Variants in SOS2 observed in about 807,000 individuals in gnomAD.
SOS2 encodes the protein son of sevenless homolog 2.
A neutral mutation model predicts 148.2 loss-of-function variants in SOS2; 65 were observed. The observed-to-expected ratio is 0.44, with a 90% confidence interval of 0.36 to 0.54. SOS2 has a LOEUF of 0.54. Ranked by LOEUF, SOS2 falls within the 20% of genes least tolerant of loss-of-function variation. The probability of loss-of-function intolerance (pLI) is 0.00; values close to 1 mark genes in which losing one functional copy is unlikely to be tolerated. For synonymous variants in SOS2, 539 were observed against 537.1 expected (o/e 1.00, Z -0.05); for missense variants, 1,341 against 1,590.2 (o/e 0.84, Z 2.67).
intron 4 of SOS2, 92 bp downstream of exon 4, chr14:50,199,599 G>C: frequency 1.4e-6 from 1 of 699,566 alleles, no homozygotes. Flanking sequence ...CAATTATAAA[G>C]ATTACTTATC....
At chr14:50,182,654 C>T in intron 5 of SOS2, 48 bp from the exon 6 acceptor site, 6 of 1,496,412 alleles carry the variant, frequency 4.0e-6, no homozygotes, top group Non-Finnish European at 5.5e-6. Context: ...GAGAATTCTG[C>T]TAAAAAATTA....
At chr14:50,196,787 G>A (rs1886324100) in intron 4 of SOS2, among the ~76,000 whole-genome samples, 1 of 152,012 alleles carries the variant, frequency 6.6e-6, no homozygotes, top group Admixed American at 6.6e-5. Context: ...AATAGGAAGG[G>A]GAAAAGAAAA....
chr14:50,120,486 A>G (rs1883466484), intron 21 of SOS2, 102 bp from the exon 22 acceptor site: 1 of 662,974 alleles, frequency 1.5e-6, no homozygotes, highest in Non-Finnish European at 2.7e-6. Flanking sequence ...GTCAGACTGT[A>G]TCAACTATTG....
At chr14:50,224,306 TATATATATACACACACACACACACAC>T (rs1887292481) in intron 1 of SOS2, among the ~76,000 whole-genome samples, 1 of 47,800 alleles carries the variant, frequency 2.1e-5, no homozygotes, top group African/African-American at 9.0e-5. Context: ...AAAAAAAAAA[TATATATATACACACACACACACACAC>T]ACACACACAC....
chr14:50,189,348 A>AAAAAAAAAAAAAC (rs60224462), intron 4 of SOS2, among the ~76,000 whole-genome samples: 1 of 146,482 alleles, frequency 6.8e-6, no homozygotes, highest in Non-Finnish European at 1.5e-5. Context: ...AAAAAAAAAA[A>AAAAAAAAAAAAAC]GCAAGCCTGT....
chr14:50,165,009 G>A (rs922395596), intron 8 of SOS2, among the ~76,000 whole-genome samples: 3 of 151,114 alleles, frequency 2.0e-5, no homozygotes, highest in South Asian at 2.1e-4. Context: ...GTTCCTTCCA[G>A]AGGAAGGGGG....
intron 10 of SOS2, among the ~76,000 whole-genome samples, chr14:50,159,030 G>GA (rs201452360): frequency 7.4e-5 from 11 of 149,024 alleles, no homozygotes; most frequent in South Asian, 2.1e-4. Context: ...TAAAAATAAA[G>GA]AAAAAAAAAA....
intron 18 of SOS2, among the ~76,000 whole-genome samples, chr14:50,138,076 A>T (rs997783614): frequency 6.6e-6 from 1 of 151,918 alleles, no homozygotes; most frequent in Admixed American, 6.6e-5. Flanking sequence ...CTTGACCTCA[A>T]GTGGTCCTCC....
At chr14:50,220,530 T>A (rs1259910540) in intron 1 of SOS2, among the ~76,000 whole-genome samples, 1 of 151,164 alleles carries the variant, frequency 6.6e-6, no homozygotes, top group Admixed American at 6.6e-5. Flanking sequence ...CTGGAAAAAA[T>A]TTTAAACTCC....
chr14:50,231,676 A>AGCAGCGGCGGCG, upstream of SOS2: 1 of 162,952 alleles, frequency 6.1e-6, no homozygotes, highest in South Asian at 1.6e-4. Context: ...GCGGGCGGTG[A>AGCAGCGGCGGCG]GCAGCGGCGG....
At chr14:50,140,749 AT>A (rs1884244871) in intron 16 of SOS2, among the ~76,000 whole-genome samples, 1 of 152,166 alleles carries the variant, frequency 6.6e-6, no homozygotes, top group Non-Finnish European at 1.5e-5. Context: ...AGAAAAAAAA[AT>A]GTCACTATTC....
rs1886595806 is a variant in SOS2, at chr14:50,204,362, G to A, written c.135C>T (p.Leu45=). 1 of 1,589,264 alleles carries A rather than the reference G, an allele frequency of 6.3e-7. No homozygotes were observed. Among genetic ancestry groups the A allele is most frequent in the South Asian group, 1.1e-5 (1 of 89,852 alleles). The change falls in exon 2 of 23, where the codon CTC becomes CTT. Residue 45 remains leucine, a synonymous_variant. Coordinates refer to ENST00000216373, the MANE Select transcript of SOS2 (RefSeq NM_006939.4). The part of the protein sequence containing the change: ...HPTLSANEES[L]YYIEELIFQL... ...GAAAAATCAGCTCTTCAATATAATA[G>A]AGAGACTCTTCATTAGCTGAGAGAG...
chr14:50,160,822 A>G (rs1015133575), intron 9 of SOS2, among the ~76,000 whole-genome samples: 2 of 151,992 alleles, frequency 1.3e-5, no homozygotes, highest in African/African-American at 4.8e-5. Context: ...CAACATAGCA[A>G]AACCCTATTT....
chr14:50,126,469 T>C (rs1253761506), intron 21 of SOS2, among the ~76,000 whole-genome samples: 3 of 152,020 alleles, frequency 2.0e-5, no homozygotes, highest in Non-Finnish European at 4.4e-5. Flanking sequence ...TTGTACCCCA[T>C]AAACATATAC....
chr14:50,140,068 A>AT lies in SOS2; in HGVS notation c.2668-10dup. 8.0e-7 allele frequency: 1 copy of AT among 1,243,468 alleles called. No individual in the cohort carries two copies. Among genetic ancestry groups the AT allele is most frequent in the Non-Finnish European group, 1.2e-6 (1 of 853,456 alleles). The allele number at this position is 1,243,468 out of a possible 1,614,324, so 77.0% of individuals were successfully genotyped here. A position where few individuals can be genotyped will look rare whatever the true frequency, so the allele number is the denominator to read the frequency against. On this transcript the variant is annotated splice_polypyrimidine_tract_variant and intron_variant, in intron 16 of 22. Coordinates refer to ENST00000216373, the MANE Select transcript of SOS2 (RefSeq NM_006939.4). Reference sequence around the variant, plus strand: ...TTCCTTTCCTGCAGTGCCTTAAAGTATACATAAATTGAGTATAAATTTTTT... The same window carrying AT: ...TTCCTTTCCTGCAGTGCCTTAAAGTATTACATAAATTGAGTATAAATTTTTT...
At chr14:50,141,578 T>C (rs928620228) in intron 16 of SOS2, among the ~76,000 whole-genome samples, 40 of 151,888 alleles carry the variant, frequency 2.6e-4, no homozygotes, top group African/African-American at 9.2e-4. Context: ...AGGTATGCGA[T>C]CTCTGTCAAA....
At chr14:50,228,954 T>C (rs1887459869) in intron 1 of SOS2, among the ~76,000 whole-genome samples, 1 of 152,208 alleles carries the variant, frequency 6.6e-6, no homozygotes, top group Non-Finnish European at 1.5e-5. Flanking sequence ...AATCAAATCC[T>C]AGTTGTCTTT....
chr14:50,186,245 T>A (rs1339113870), intron 5 of SOS2, among the ~76,000 whole-genome samples: 1 of 152,192 alleles, frequency 6.6e-6, no homozygotes, highest in African/African-American at 2.4e-5. Flanking sequence ...CACTCTTCCA[T>A]CTGACCCTTT....
intron 7 of SOS2, among the ~76,000 whole-genome samples, chr14:50,178,897 C>A (rs576366823): frequency 1.3e-5 from 2 of 151,972 alleles, no homozygotes; most frequent in East Asian, 1.9e-4. Context: ...CCACACCCAG[C>A]TAATTTTTGC....
Sources: gnomAD v4.1 joint callset for allele counts (sites outside exome capture counted in the v4.1 genomes callset) on GRCh38, gnomAD v4.1.1 for gene constraint, MANE v1.5 for transcripts, NCBI Gene and HGNC (gene_info 2026-07-23, HGNC 2026-07-21) for gene names.